Variants in FBXL7 observed in about 807,000 individuals in gnomAD.
FBXL7 encodes F-box and leucine rich repeat protein 7, also known as F-box/LRR-repeat protein 7.
In FBXL7, 12 loss-of-function variants were observed where a neutral mutation model predicts 38.3. That is an observed-to-expected ratio of 0.31 (90% CI 0.20 to 0.51). The LOEUF (loss-of-function observed/expected upper bound fraction) is 0.51, where lower values mean the gene tolerates loss of function less well. Ranked by LOEUF, FBXL7 falls within the 20% of genes least tolerant of loss-of-function variation. FBXL7 has a pLI of 0.98. For missense variants in FBXL7, 567 were observed against 676.4 expected (o/e 0.84, Z 1.79); for synonymous variants, 297 against 300.9 (o/e 0.99, Z 0.13).
chr5:15,933,193 C>A (rs571330330), intron 3 of FBXL7, among the ~76,000 whole-genome samples: 1 of 152,208 alleles, frequency 6.6e-6, no homozygotes, highest in East Asian at 1.9e-4. Flanking sequence ...TGGGCAAAAC[C>A]TAAAATCTAA....
At chr5:15,597,480 GATA>G (rs1739655802) in intron 1 of FBXL7, among the ~76,000 whole-genome samples, 1 of 116,976 alleles carries the variant, frequency 8.5e-6, no homozygotes, top group African/African-American at 3.3e-5. Flanking sequence ...TATCTCTCTA[GATA>G]ATATCATTTT....
intron 1 of FBXL7, among the ~76,000 whole-genome samples, chr5:15,582,667 G>A (rs989008837): frequency 6.6e-6 from 1 of 152,314 alleles, no homozygotes; most frequent in East Asian, 1.9e-4. Context: ...CCTTTAGAAT[G>A]TGTGCAGTTT....
chr5:15,581,598 C>G (rs972182), intron 1 of FBXL7, among the ~76,000 whole-genome samples: 85,378 of 152,062 alleles, frequency 0.56, 25,269 homozygotes, highest in African/African-American at 0.75. Context: ...TGTCTTTGCT[C>G]TGGAAAGTTC....
intron 3 of FBXL7, among the ~76,000 whole-genome samples, chr5:15,932,481 G>A (rs1007429096): frequency 6.6e-5 from 10 of 152,116 alleles, no homozygotes; most frequent in South Asian, 2.1e-4. Flanking sequence ...AAGAAACGCC[G>A]CAGATTTATT....
At chr5:15,675,542 T>C (rs2126603395) in intron 2 of FBXL7, among the ~76,000 whole-genome samples, 1 of 152,366 alleles carries the variant, frequency 6.6e-6, no homozygotes, top group East Asian at 1.9e-4. Flanking sequence ...TGAGATATAA[T>C]GTCTTATTTT....
chr5:15,659,599 A>C (rs1741994269), intron 2 of FBXL7, among the ~76,000 whole-genome samples: 1 of 152,228 alleles, frequency 6.6e-6, no homozygotes, highest in African/African-American at 2.4e-5. Flanking sequence ...CATAAATACA[A>C]ACAAGGATAT....
intron 2 of FBXL7, among the ~76,000 whole-genome samples, chr5:15,831,361 T>A (rs910346134): frequency 1.3e-5 from 2 of 152,152 alleles, no homozygotes; most frequent in Non-Finnish European, 2.9e-5. Flanking sequence ...TTCTCCCTAT[T>A]TGGGGAAGAC....
At chr5:15,915,415 A>G (rs1741558623) in intron 2 of FBXL7, among the ~76,000 whole-genome samples, 2 of 152,182 alleles carry the variant, frequency 1.3e-5, no homozygotes, top group African/African-American at 4.8e-5. Context: ...GGAGTGTTGC[A>G]GTGTAACTCT....
chr5:15,593,912 A>G (rs2126484103), intron 1 of FBXL7, among the ~76,000 whole-genome samples: 1 of 152,282 alleles, frequency 6.6e-6, no homozygotes, highest in East Asian at 1.9e-4. Context: ...TTGGAAGGTA[A>G]CCCCAAAGAA....
At chr5:15,594,691 C>G (rs1013531855) in intron 1 of FBXL7, among the ~76,000 whole-genome samples, 1 of 152,200 alleles carries the variant, frequency 6.6e-6, no homozygotes, top group Non-Finnish European at 1.5e-5. Flanking sequence ...GGAAATGTTC[C>G]GGGAATCAGG....
chr5:15,657,298 A>G (rs2126579005), intron 2 of FBXL7, among the ~76,000 whole-genome samples: 1 of 150,726 alleles, frequency 6.6e-6, no homozygotes, highest in Middle Eastern at 3.4e-3. Context: ...TTAGTAGGCA[A>G]CTTTAGTAGG....
intron 2 of FBXL7, among the ~76,000 whole-genome samples, chr5:15,636,698 A>G (rs1363168572): frequency 7.4e-6 from 1 of 134,778 alleles, no homozygotes; most frequent in Admixed American, 7.6e-5. Context: ...TTTTTTTTGC[A>G]TATGTGGTCG....
At chr5:15,722,302 A>G (rs965219705) in intron 2 of FBXL7, among the ~76,000 whole-genome samples, 1 of 152,186 alleles carries the variant, frequency 6.6e-6, no homozygotes, top group African/African-American at 2.4e-5. Context: ...TTAGAATTCT[A>G]GGATTCTTGG....
At position 15,571,056 on chromosome 5, in the gene FBXL7, C is replaced by T. The variant is rs182275777; in HGVS notation, c.38-44927C>T. On this transcript the variant is annotated intron_variant, in intron 1 of 3. Coordinates refer to ENST00000504595, the MANE Select transcript of FBXL7 (RefSeq NM_012304.5). The stretch of plus-strand genomic sequence containing the variant: ...GCAGTGAGCTGAGATCATGCCATTG[C>T]ACTCCAGCCTGGGCAACAGAGCAAG... Among the ~76,000 whole-genome samples the T allele has an allele frequency of 2.7e-5, 4 of 147,168 alleles. No homozygotes were observed. The East Asian group carries it at 7.9e-4, about 29-fold the overall frequency.
At chr5:15,822,883 C>T (rs572649068) in intron 2 of FBXL7, among the ~76,000 whole-genome samples, 2 of 152,082 alleles carry the variant, frequency 1.3e-5, no homozygotes, top group Non-Finnish European at 2.9e-5. Context: ...CTGGGTCTCA[C>T]CACCAGGTTT....
chr5:15,860,753 G>A (rs1739440028), intron 2 of FBXL7, among the ~76,000 whole-genome samples: 1 of 151,966 alleles, frequency 6.6e-6, no homozygotes, highest in African/African-American at 2.4e-5. Flanking sequence ...TCTTATTATT[G>A]GACTTGTCTT....
chr5:15,823,379 G>A (rs1227547539), intron 2 of FBXL7, among the ~76,000 whole-genome samples: 1 of 152,126 alleles, frequency 6.6e-6, no homozygotes, highest in Non-Finnish European at 1.5e-5. Flanking sequence ...ATTATAACCT[G>A]TCATTTGGAA....
At chr5:15,644,628 A>G (rs560611219) in intron 2 of FBXL7, among the ~76,000 whole-genome samples, 2 of 152,344 alleles carry the variant, frequency 1.3e-5, no homozygotes, top group African/African-American at 4.8e-5. Flanking sequence ...TTCAGTCTCA[A>G]GATGCCTTCA....
At chr5:15,588,719 G>T (rs1276217512) in intron 1 of FBXL7, among the ~76,000 whole-genome samples, 1 of 152,118 alleles carries the variant, frequency 6.6e-6, no homozygotes, top group African/African-American at 2.4e-5. Flanking sequence ...TTAACAGGTT[G>T]TATGAAATCG....
Sources: gnomAD v4.1 joint callset for allele counts (sites outside exome capture counted in the v4.1 genomes callset) on GRCh38, gnomAD v4.1.1 for gene constraint, MANE v1.5 for transcripts, NCBI Gene and HGNC (gene_info 2026-07-23, HGNC 2026-07-21) for gene names.